The following FGF2 variants were observed in gnomAD, a reference collection of about 807,000 sequenced individuals.
FGF2 encodes fibroblast growth factor 2.
In FGF2, 13 loss-of-function variants were observed where a neutral mutation model predicts 15.9. That is an observed-to-expected ratio of 0.82 (90% CI 0.53 to 1.30). The LOEUF (loss-of-function observed/expected upper bound fraction) is 1.30, where lower values mean the gene tolerates loss of function less well. Ranked by LOEUF, FGF2 falls within the 50% of genes most tolerant of loss-of-function variation. The pLI is 0.00. For missense variants in FGF2, 163 were observed against 196.9 expected, an observed-to-expected ratio of 0.83 and a Z score of 1.03; for synonymous variants, 90 against 78.4, an observed-to-expected ratio of 1.15 and a Z score of -0.78.
At chr4:122,887,734 T>C (rs1727087758) in intron 2 of FGF2, among the ~76,000 whole-genome samples, 1 of 152,196 alleles carries the variant, frequency 6.6e-6, no homozygotes, top group Non-Finnish European at 1.5e-5. Context: ...AACCATAAAC[T>C]AAGCTGGTTT....
Position 122,896,934 on chromosome 4 carries a change from T to C in FGF2, c.*4538T>C, listed in dbSNP as rs1351185840. 2.0e-5 allele frequency: 3 copies of C among 152,192 alleles called. No individual in the cohort carries two copies. Among genetic ancestry groups the C allele is most frequent in the African/African-American group, 4.8e-5 (2 of 41,468 alleles). The allele number at this position is 152,192 out of a possible 1,614,324, so 9.4% of individuals were successfully genotyped here. ...ATGATACACATTGAATTTGATCCAA[T>C]AGTTTAAGGAATAGGTAGGAAAATT... On this transcript the variant is annotated 3_prime_UTR_variant, in exon 3 of 3. Coordinates refer to ENST00000644866, the MANE Select transcript of FGF2 (RefSeq NM_001361665.2).
At chr4:122,887,792 C>G (rs1727088649) in intron 2 of FGF2, among the ~76,000 whole-genome samples, 1 of 152,186 alleles carries the variant, frequency 6.6e-6, no homozygotes, top group Non-Finnish European at 1.5e-5. Flanking sequence ...CCATCACTAA[C>G]ACATGACAAA....
At chr4:122,837,195 A>T (rs529332043) in intron 1 of FGF2, among the ~76,000 whole-genome samples, 1 of 152,330 alleles carries the variant, frequency 6.6e-6, no homozygotes, top group Non-Finnish European at 1.5e-5. Context: ...TCTTAAGAGG[A>T]TAGAAATTGT....
intron 1 of FGF2, among the ~76,000 whole-genome samples, chr4:122,872,385 G>A (rs45549032): frequency 0.043 from 6,526 of 152,076 alleles, 449 homozygotes; most frequent in African/African-American, 0.15. Context: ...TAAAAAGACC[G>A]AACCTACTAT....
intron 1 of FGF2, among the ~76,000 whole-genome samples, chr4:122,864,455 T>C (rs778785089): frequency 1.4e-4 from 22 of 152,192 alleles, no homozygotes; most frequent in Non-Finnish European, 2.6e-4. Flanking sequence ...TGGTATAAAA[T>C]TACTGTGAGT....
At chr4:122,880,394 C>T (rs1233061766) in intron 2 of FGF2, among the ~76,000 whole-genome samples, 2 of 151,934 alleles carry the variant, frequency 1.3e-5, no homozygotes, top group East Asian at 3.9e-4. Context: ...CTATAGGCAC[C>T]CGCCACCATG....
At chr4:122,871,809 GCAA>G (rs45559737) in intron 1 of FGF2, among the ~76,000 whole-genome samples, 6,760 of 144,316 alleles carry the variant, frequency 0.047, 286 homozygotes, top group South Asian at 0.14. Flanking sequence ...CTAGCAGAAA[GCAA>G]CAACAACAGC....
At position 122,893,865 on chromosome 4, in the gene FGF2, T is replaced by C. The variant is rs1179675098; in HGVS notation, c.*1469T>C. ...GATGTTCTGTCATTGTCTCCCAAAG[T>C]ATTTAGGAGAAGCCCTTTAAAAAGC... On this transcript the variant is annotated 3_prime_UTR_variant, in exon 3 of 3. Transcript: ENST00000644866. The C allele has an allele frequency of 6.6e-6, 1 of 152,234 alleles. No homozygotes were observed. The highest frequency in any genetic ancestry group is 1.5e-5 in the Non-Finnish European group (1 of 68,034). The allele number at this position is 152,234 out of a possible 1,614,324, so 9.4% of individuals were successfully genotyped here.
chr4:122,838,093 GA>G (rs1405313978), intron 1 of FGF2, among the ~76,000 whole-genome samples: 3 of 152,148 alleles, frequency 2.0e-5, no homozygotes, highest in African/African-American at 7.2e-5. Flanking sequence ...GACATAGACA[GA>G]AGGTGTTGGA....
chr4:122,888,354 T>C (rs926622146), intron 2 of FGF2, among the ~76,000 whole-genome samples: 4 of 152,212 alleles, frequency 2.6e-5, no homozygotes, highest in Non-Finnish European at 4.4e-5. Context: ...TTAACTGGTC[T>C]AAGTCTGCTT....
chr4:122,860,226 ATAAC>A lies in FGF2; in HGVS notation c.179-16090_179-16087del, dbSNP rs1356808838. ...TGTTATCATCATAAATATTTTTTTA[ATAAC>A]TAACAGTTCTAATAATGTGTTGTAG... On this transcript the variant is annotated intron_variant, in intron 1 of 2. Transcript: ENST00000644866. 2.6e-5 allele frequency among the ~76,000 whole-genome samples: 4 copies of A among 152,170 alleles called. No individual in the cohort carries two copies. The East Asian group carries it at 5.8e-4, about 22-fold the overall frequency.
chr4:122,876,479 T>G, intron 2 of FGF2, 55 bp downstream of exon 2: 2 of 1,036,820 alleles, frequency 1.9e-6, no homozygotes, highest in South Asian at 1.3e-5. Flanking sequence ...TGCTGTTAAT[T>G]TACCAGCATT....
intron 2 of FGF2, among the ~76,000 whole-genome samples, chr4:122,878,966 A>G (rs1726910291): frequency 6.6e-6 from 1 of 152,192 alleles, no homozygotes; most frequent in South Asian, 2.1e-4. Flanking sequence ...AAATTCAGGT[A>G]AAGATGTTCA....
chr4:122,894,703 C>T lies in FGF2; in HGVS notation c.*2307C>T, dbSNP rs1039995970. 4 of 152,074 alleles carry T rather than the reference C, an allele frequency of 2.6e-5. No homozygotes were observed. Among genetic ancestry groups the T allele is most frequent in the Non-Finnish European group, 4.4e-5 (3 of 68,006 alleles). The allele number at this position is 152,074 out of a possible 1,614,324, so 9.4% of individuals were successfully genotyped here. On this transcript the variant is annotated 3_prime_UTR_variant, in exon 3 of 3. Transcript: ENST00000644866. The stretch of plus-strand genomic sequence containing the variant: ...ACTAGTCTTAAATTGTATAAAATAT[C>T]CCCTAACATGTTTAAATGTCCATTT...
In FGF2 at chr4:122,895,616, T is replaced by C. The variant is rs1471708293; in HGVS notation, c.*3220T>C. 1.3e-5 allele frequency: 2 copies of C among 152,228 alleles called. No individual in the cohort carries two copies. Among genetic ancestry groups the C allele is most frequent in the Admixed American group, 6.5e-5 (1 of 15,278 alleles). 9.4% of individuals were successfully genotyped at this position (152,228 alleles called of 1,614,324 possible). On this transcript the variant is annotated 3_prime_UTR_variant, in exon 3 of 3. Transcript: ENST00000644866. Reference sequence around the variant, plus strand: ...TACGATTTTTTAAGAAGGCAGTTTGTCAATTTTAATCTTGTGGATACCTTT... The same window carrying C: ...TACGATTTTTTAAGAAGGCAGTTTGCCAATTTTAATCTTGTGGATACCTTT...
At chr4:122,837,328 T>A (rs1242556288) in intron 1 of FGF2, among the ~76,000 whole-genome samples, 1 of 152,132 alleles carries the variant, frequency 6.6e-6, no homozygotes, top group Non-Finnish European at 1.5e-5. Flanking sequence ...TAGAAAACAA[T>A]TCATAAGTTT....
In FGF2 at chr4:122,873,064, T is replaced by C. The variant is rs1484828020; in HGVS notation, c.179-3257T>C. 2.0e-5 allele frequency among the ~76,000 whole-genome samples: 3 copies of C among 152,262 alleles called. No individual in the cohort carries two copies. The East Asian group carries it at 5.8e-4, about 29-fold the overall frequency. ...TATCCTATCTGTCCTTTACCTTCTG[T>C]CTTTCCCTTTCTGCCTTCTTGGGTT... On this transcript the variant is annotated intron_variant, in intron 1 of 2. Transcript: ENST00000644866.
rs3804159 is a variant in FGF2, at chr4:122,896,020, T to C, written c.*3624T>C. 3,312 of 152,788 alleles carry C rather than the reference T, an allele frequency of 0.022. 62 individuals are homozygous for C. Among genetic ancestry groups the C allele is most frequent in the Non-Finnish European group, 0.036 (2,421 of 68,030 alleles). The allele number at this position is 152,788 out of a possible 1,614,324, so 9.5% of individuals were successfully genotyped here. ...GACCTCTACTGTCAGTTTTCATTTC[T>C]AGCTGCTTTCAGGGTTTTATGAATT... is the stretch of plus-strand genomic sequence containing the variant. On this transcript the variant is annotated 3_prime_UTR_variant, in exon 3 of 3. Coordinates refer to ENST00000644866, the MANE Select transcript of FGF2 (RefSeq NM_001361665.2).
chr4:122,859,161 A>T (rs1362808354), intron 1 of FGF2, among the ~76,000 whole-genome samples: 1 of 152,214 alleles, frequency 6.6e-6, no homozygotes, highest in East Asian at 1.9e-4. Flanking sequence ...AATGAGAAAT[A>T]ATATTAACAC....
Sources: gnomAD v4.1 joint callset for allele counts (sites outside exome capture counted in the v4.1 genomes callset) on GRCh38, gnomAD v4.1.1 for gene constraint, MANE v1.5 for transcripts, NCBI Gene and HGNC (gene_info 2026-07-23, HGNC 2026-07-21) for gene names.